CASP9: variants seen among roughly 807,000 people sequenced by gnomAD.
CASP9 encodes the protein caspase-9.
In CASP9, 29 loss-of-function variants were observed where a neutral mutation model predicts 43.5. The ratio of observed to expected loss-of-function variants is 0.67; its 90% CI spans 0.50 to 0.91. The LOEUF is 0.91. Among genes scored for constraint, CASP9 ranks in the 40% least tolerant of loss-of-function variants. The pLI, the probability that CASP9 is intolerant of heterozygous loss-of-function variation, is 0.00. For missense variants in CASP9, 575 were observed against 537.4 expected, an observed-to-expected ratio of 1.07 and a Z score of -0.69; for synonymous variants, 206 against 211.9, an observed-to-expected ratio of 0.97 and a Z score of 0.24.
rs779884185 is a variant in CASP9, at chr1:15,518,295, T to C, written c.233A>G (p.Glu78Gly). The change falls in exon 2 of 9, where the codon GAG becomes GGG. Residue 78 changes from glutamate (E) to glycine (G), a missense_variant. Transcript: ENST00000333868. Reference sequence around the variant, plus strand: ...AGCCAGCATGTCCTGGCCTGTGTCCTCTAAGCAGGAGATGAACAAAGGAAG... The same window carrying C: ...AGCCAGCATGTCCTGGCCTGTGTCCCCTAAGCAGGAGATGAACAAAGGAAG... ...QALPLFISCLEDTGQDMLASF... is the reference protein window; with the variant it reads ...QALPLFISCLGDTGQDMLASF... The C allele has an allele frequency of 2.5e-6, 4 of 1,614,236 alleles. No individual in the cohort carries two copies. In the Admixed American group the frequency reaches 6.7e-5, roughly 27 times the overall value.
At chr1:15,495,498 A>G in intron 6 of CASP9, 46 bp from the exon 7 acceptor site, 2 of 1,480,506 alleles carry the variant, frequency 1.4e-6, no homozygotes, top group Non-Finnish European at 1.8e-6. Context: ...AAATACACAG[A>G]CAAGGATGGT....
rs1283696965 is a variant in CASP9 at position 15,492,914 on chromosome 1, A to G, written c.*29T>C. Reference sequence around the variant, plus strand: ...CTGGGGCAGGAAAGCTTTGGGGTGCAAGATAAGGCAGGGTGAGGGGCCCTG... The same window carrying G: ...CTGGGGCAGGAAAGCTTTGGGGTGCGAGATAAGGCAGGGTGAGGGGCCCTG... On this transcript the variant is annotated 3_prime_UTR_variant, in exon 9 of 9. Transcript: ENST00000333868. The G allele has an allele frequency of 6.2e-7, 1 of 1,611,840 alleles. No individual in the cohort carries two copies. The highest frequency in any genetic ancestry group is 8.5e-7 in the Non-Finnish European group (1 of 1,179,876).
chr1:15,519,652 G>C (rs1275324757), intron 1 of CASP9, among the ~76,000 whole-genome samples: 1 of 152,164 alleles, frequency 6.6e-6, no homozygotes, highest in Non-Finnish European at 1.5e-5. Flanking sequence ...GATACAAAGA[G>C]AGAGGGTCCA....
At chr1:15,493,221 A>C in intron 8 of CASP9, 186 bp from the exon 9 acceptor site, 1 of 1,408,328 alleles carries the variant, frequency 7.1e-7, no homozygotes, top group Non-Finnish European at 9.2e-7. Context: ...CTCAAAATTC[A>C]AAATTTCCAA....
intron 7 of CASP9, 39 bp downstream of exon 7, chr1:15,495,234 C>T: frequency 6.3e-7 from 1 of 1,580,446 alleles, no homozygotes; most frequent in Non-Finnish European, 8.6e-7. Context: ...GACGGGAAGA[C>T]CCACTGGCTG....
At position 15,506,076 on chromosome 1, in the gene CASP9, T is replaced by C. The variant is rs767703910; in HGVS notation, c.634A>G (p.Met212Val). 29 of 1,612,298 alleles carry C rather than the reference T, an allele frequency of 1.8e-5. No homozygotes were observed. In the South Asian group the frequency reaches 3.2e-4, roughly 18 times the overall value. ...GCCAGCTCCAGCAAAGCCAGCACCA[T>C]TTTCTACAAGAGAGGGCTGCAGGTG... is the stretch of plus-strand genomic sequence containing the variant. ...EVKGDLTAKK[M>V]VLALLELAQQ... Residue 212 changes from methionine to valine, a missense_variant, in exon 5 of 9, where the codon ATG becomes GTG. Met to Val is a conservative substitution (Grantham distance 21). Coordinates refer to ENST00000333868, the MANE Select transcript of CASP9 (RefSeq NM_001229.5).
intron 8 of CASP9, chr1:15,493,628 A>G: frequency 6.9e-7 from 1 of 1,439,300 alleles, no homozygotes; most frequent in Non-Finnish European, 9.1e-7. Flanking sequence ...CAGCTCCATC[A>G]GTGGAGGAGC....
At chr1:15,523,210 T>A (rs1289758785) in intron 1 of CASP9, among the ~76,000 whole-genome samples, 1 of 152,216 alleles carries the variant, frequency 6.6e-6, no homozygotes, top group Admixed American at 6.5e-5. Flanking sequence ...AAACATAAAC[T>A]GAACACAGAA....
Position 15,501,391 on chromosome 1 carries a change from TTTA to T in CASP9, c.868+3217_868+3219del, listed in dbSNP as rs1406236007. On this transcript the variant is annotated intron_variant, in intron 6 of 8. Coordinates refer to ENST00000333868, the MANE Select transcript of CASP9 (RefSeq NM_001229.5). Reference sequence around the variant, plus strand: ...TTATTTAAAAATGATTTTTAAATTATTTATTATTATATTTAAATTAATTATTAA... The same window carrying T: ...TTATTTAAAAATGATTTTTAAATTATTTATTATATTTAAATTAATTATTAA... 2.0e-5 allele frequency among the ~76,000 whole-genome samples: 3 copies of T among 151,908 alleles called. No individual in the cohort carries two copies. The East Asian group carries it at 5.8e-4, about 29-fold the overall frequency.
intron 2 of CASP9, among the ~76,000 whole-genome samples, chr1:15,512,380 T>C (rs4646023): frequency 0.64 from 98,002 of 152,126 alleles, 33,081 homozygotes; most frequent in African/African-American, 0.85. Context: ...CTCCCCAGGA[T>C]GGTGGGCCGC....
At chr1:15,493,713 G>A (rs993936537) in intron 8 of CASP9, 179 bp downstream of exon 8, 4 of 1,490,366 alleles carry the variant, frequency 2.7e-6, no homozygotes, top group Non-Finnish European at 3.6e-6. Flanking sequence ...CGTCACCACA[G>A]GCAGGATGCC....
Position 15,491,412 on chromosome 1 carries a change from G to T in CASP9, c.*1531C>A. 1 of 1,454,730 alleles carries T rather than the reference G, an allele frequency of 6.9e-7. No individual in the cohort carries two copies. Among genetic ancestry groups the T allele is most frequent in the Non-Finnish European group, 9.6e-7 (1 of 1,041,416 alleles). 90.1% of individuals were successfully genotyped at this position (1,454,730 alleles called of 1,614,324 possible). A position where few individuals can be genotyped will look rare whatever the true frequency, so the allele number is the denominator to read the frequency against. Reference sequence around the variant, plus strand: ...CTATGCAAATCACATCTTGATGAGGGTTTTATTATTATTATTAATTCAGAA... The same window carrying T: ...CTATGCAAATCACATCTTGATGAGGTTTTTATTATTATTATTAATTCAGAA... On this transcript the variant is annotated 3_prime_UTR_variant, in exon 9 of 9. Coordinates refer to ENST00000333868, the MANE Select transcript of CASP9 (RefSeq NM_001229.5).
intron 2 of CASP9, among the ~76,000 whole-genome samples, chr1:15,510,119 G>A (rs1297045244): frequency 6.6e-6 from 1 of 152,058 alleles, no homozygotes; most frequent in Non-Finnish European, 1.5e-5. Flanking sequence ...TAGTAGAGAT[G>A]GGGTTTCACC....
At position 15,504,775 on chromosome 1, in the gene CASP9, C is replaced by T; in HGVS notation, c.721-17G>A. ...GTGGCTGGCCTAGAAGACCAAGAAC[C>T]CTGGTTACAAAACCAAGAAGTTGGA... On this transcript the variant is annotated splice_polypyrimidine_tract_variant and intron_variant, in intron 5 of 8. Transcript: ENST00000333868. 6.2e-7 allele frequency: 1 copy of T among 1,601,582 alleles called. No homozygotes were observed. The highest frequency in any genetic ancestry group is 2.2e-5 in the East Asian group (1 of 44,788).
In CASP9 at chr1:15,492,622, A is replaced by T. The variant is rs1292189227; in HGVS notation, c.*321T>A. The T allele has an allele frequency of 5.9e-6, 2 of 336,228 alleles. No homozygotes were observed. The highest frequency in any genetic ancestry group is 4.4e-5 in the Admixed American group (1 of 22,724). 20.8% of individuals were successfully genotyped at this position (336,228 alleles called of 1,614,324 possible). A position where few individuals can be genotyped will look rare whatever the true frequency, so the allele number is the denominator to read the frequency against. On this transcript the variant is annotated 3_prime_UTR_variant, in exon 9 of 9. Coordinates refer to ENST00000333868, the MANE Select transcript of CASP9 (RefSeq NM_001229.5). Reference sequence around the variant, plus strand: ...ACAGCAAAGGGTGACCTGGCCCCACATGTCAGTAGTGCAGAGGTTAATCCC... The same window carrying T: ...ACAGCAAAGGGTGACCTGGCCCCACTTGTCAGTAGTGCAGAGGTTAATCCC...
intron 1 of CASP9, among the ~76,000 whole-genome samples, chr1:15,523,386 C>T (rs138553331): frequency 9.1e-4 from 139 of 152,366 alleles, no homozygotes; most frequent in African/African-American, 3.2e-3. Context: ...CCCAAGAACA[C>T]GCTGCCAGGC....
intron 2 of CASP9, among the ~76,000 whole-genome samples, chr1:15,511,560 C>T (rs769846899): frequency 2.0e-5 from 3 of 152,176 alleles, no homozygotes; most frequent in Non-Finnish European, 4.4e-5. Context: ...CACACCACCA[C>T]GCCCAGCTAA....
At chr1:15,501,265 G>A (rs553407477) in intron 6 of CASP9, among the ~76,000 whole-genome samples, 207 of 152,258 alleles carry the variant, frequency 1.4e-3, no homozygotes, top group African/African-American at 4.8e-3. Context: ...TCACGCTGAC[G>A]TTGCACACCA....
rs751770068 is a variant in CASP9 at position 15,507,919 on chromosome 1, GAGAA to G, written c.419-16_419-13del. The G allele has an allele frequency of 6.2e-7, 1 of 1,614,042 alleles. No homozygotes were observed. Among genetic ancestry groups the G allele is most frequent in the Non-Finnish European group, 8.5e-7 (1 of 1,179,908 alleles). On this transcript the variant is annotated splice_polypyrimidine_tract_variant and intron_variant, in intron 2 of 8. Transcript: ENST00000333868. ...ACTCTCAAGAGCACCTGAAGAGGCA[GAGAA>G]AGAGAGAAACATGAATGTTGGGTTA...
Sources: allele counts gnomAD v4.1 joint callset (sites outside exome capture counted in the v4.1 genomes callset), GRCh38; gene constraint gnomAD v4.1.1; transcripts MANE v1.5; gene names NCBI Gene and HGNC (gene_info 2026-07-23, HGNC 2026-07-21).